Variants in SLC25A1 observed in about 807,000 individuals in gnomAD.
The protein encoded by SLC25A1 is solute carrier family 25 member 1.
In SLC25A1, 26 loss-of-function variants were observed where a neutral mutation model predicts 38.1. The observed-to-expected ratio is 0.68, with a 90% CI of 0.50 to 0.95. SLC25A1 has a LOEUF of 0.95. Ranked by LOEUF, SLC25A1 falls within the 40% of genes least tolerant of loss-of-function variation. The pLI, the probability that SLC25A1 is intolerant of heterozygous loss-of-function variation, is 0.00. For synonymous variants in SLC25A1, 211 were observed against 183.2 expected, an observed-to-expected ratio of 1.15 and a Z score of -1.23; for missense variants, 378 against 426.6, an observed-to-expected ratio of 0.89 and a Z score of 1.00.
rs1555922228 is a variant in SLC25A1, at chr22:19,176,238, G to A, written c.828C>T (p.Tyr276=). 2.5e-6 allele frequency: 4 copies of A among 1,610,932 alleles called. No individual in the cohort carries two copies. The Admixed American group carries it at 5.0e-5, about 20-fold the overall frequency. Residue 276 remains tyrosine (Y), a synonymous_variant, in exon 9 of 9, where the codon TAC becomes TAT. Coordinates refer to ENST00000215882, the MANE Select transcript of SLC25A1 (RefSeq NM_005984.5). ...ILKKEGLKAF[Y]KGTVPRLGRV... is the part of the protein sequence containing the mutation. ...GGCCCAGGCGGGGGACAGTGCCCTT[G>A]TAGAATCTGGGTGGGAGGAGGGGCG...
chr22:19,176,764 G>A (rs1220880676), intron 6 of SLC25A1, 71 bp from the exon 7 acceptor site: 1 of 1,591,738 alleles, frequency 6.3e-7, no homozygotes, highest in East Asian at 2.2e-5. Context: ...CAAAAGGTGG[G>A]TGCCCGCCAC....
chr22:19,177,497 A>C lies in SLC25A1; in HGVS notation c.441+230T>G, dbSNP rs554894426. Among the ~76,000 whole-genome samples the C allele has an allele frequency of 2.0e-4, 31 of 152,320 alleles. No individual in the cohort carries two copies. In the East Asian group the frequency reaches 5.8e-3, roughly 28 times the overall value. On this transcript the variant is annotated intron_variant, in intron 4 of 8. Transcript: ENST00000215882. ...GTGTCATTTTGTTTTCTGCTTTATA[A>C]AAGTATTTTTTAAAGACTTTAAGGC...
Position 19,177,140 on chromosome 22 carries a change from C to T in SLC25A1, c.506G>A (p.Arg169Lys). Reference sequence around the variant, plus strand: ...CTCACCTTGTTCCCGCACAATCTCCCTAACCCCGTGGAAGAATCCTCTGTA... The same window carrying T: ...CTCACCTTGTTCCCGCACAATCTCCTTAACCCCGTGGAAGAATCCTCTGTA... Reference protein sequence around the residue: ...PKYRGFFHGVREIVREQGLKG... With the variant: ...PKYRGFFHGVKEIVREQGLKG... Residue 169 changes from arginine to lysine, a missense_variant, in exon 5 of 9, where the codon AGG becomes AAG. Arg to Lys is a conservative substitution (Grantham distance 26). Coordinates refer to ENST00000215882, the MANE Select transcript of SLC25A1 (RefSeq NM_005984.5). The T allele has an allele frequency of 6.2e-7, 1 of 1,614,096 alleles. No individual in the cohort carries two copies. The highest frequency in any genetic ancestry group is 8.5e-7 in the Non-Finnish European group (1 of 1,179,962).
chr22:19,178,198 G>A lies in SLC25A1; in HGVS notation c.137C>T (p.Thr46Ile). ...CTGCAGCTGCGTCTTCACGTACTCG[G>A]TGGGGAAGGTGATGCAGATCTCGAT... ...GGIEICITFP[T>I]EYVKTQLQLD... is the part of the protein sequence containing the mutation. The change falls in exon 2 of 9, where the codon ACC becomes ATC. Residue 46 changes from threonine (T) to isoleucine (I), a missense_variant. By Grantham distance (89) the Thr-to-Ile change is moderately conservative. Transcript: ENST00000215882. The surrounding 1 kb of genome is among the most constrained non-coding windows in gnomAD (Gnocchi z 4.9). 6.4e-7 allele frequency: 1 copy of A among 1,553,328 alleles called. No homozygotes were observed. The highest frequency in any genetic ancestry group is 8.7e-7 in the Non-Finnish European group (1 of 1,149,350).
Position 19,176,566 on chromosome 22 carries a change from C to T in SLC25A1, c.747+12G>A, listed in dbSNP as rs376463484. ...TGGTCCCCCCTTCCCCTCCCCTTCC[C>T]GGCCCCACCACCTGCATCCGGGTCT... On this transcript the variant is annotated intron_variant, in intron 7 of 8. Transcript: ENST00000215882. 22 of 1,612,700 alleles carry T rather than the reference C, an allele frequency of 1.4e-5. No individual in the cohort carries two copies. Among genetic ancestry groups the T allele is most frequent in the East Asian group, 1.1e-4 (5 of 44,888 alleles).
In SLC25A1 at chr22:19,177,105, G is replaced by A. The variant is rs1195457590; in HGVS notation, c.526+15C>T. On this transcript the variant is annotated intron_variant, in intron 5 of 8. Coordinates refer to ENST00000215882, the MANE Select transcript of SLC25A1 (RefSeq NM_005984.5). ...CCAGGTCCCTGAGCCCTATCAGGAA[G>A]GTCGAGTGGCTCACCTTGTTCCCGC... 1 of 1,613,076 alleles carries A rather than the reference G, an allele frequency of 6.2e-7. No individual in the cohort carries two copies. Among genetic ancestry groups the A allele is most frequent in the Admixed American group, 1.7e-5 (1 of 60,018 alleles).
chr22:19,178,066 C>T lies in SLC25A1; in HGVS notation c.203-25G>A. On this transcript the variant is annotated intron_variant, in intron 2 of 8. Transcript: ENST00000215882. This position sits in a 1 kb window ranked among gnomAD's most constrained non-coding sequence, Gnocchi z 4.9. Reference sequence around the variant, plus strand: ...CCTGGGGGAGGGGGCGGTCAGGACCCCACGGCCCTCGGTGCCGCCGCCCTG... The same window carrying T: ...CCTGGGGGAGGGGGCGGTCAGGACCTCACGGCCCTCGGTGCCGCCGCCCTG... The T allele has an allele frequency of 6.4e-7, 1 of 1,557,810 alleles. No homozygotes were observed. The highest frequency in any genetic ancestry group is 8.7e-7 in the Non-Finnish European group (1 of 1,153,574).
rs1411633124 is a variant in SLC25A1, at chr22:19,176,017, G to C, written c.*113C>G. 1 of 810,706 alleles carries C rather than the reference G, an allele frequency of 1.2e-6. No individual in the cohort carries two copies. Among genetic ancestry groups the C allele is most frequent in the Non-Finnish European group, 2.1e-6 (1 of 474,526 alleles). The allele number at this position is 810,706 out of a possible 1,614,324, so 50.2% of individuals were successfully genotyped here. A position where few individuals can be genotyped will look rare whatever the true frequency, so the allele number is the denominator to read the frequency against. On this transcript the variant is annotated 3_prime_UTR_variant, in exon 9 of 9. Transcript: ENST00000215882. ...CACAATGCACAGACCAGGCTACAGA[G>C]CTCGAGGGACGTGGGAAGGGGCCTT...
Position 19,176,221 on chromosome 22 carries a change from C to T in SLC25A1, c.845G>A (p.Arg282His), listed in dbSNP as rs431905510. 2.6e-5 allele frequency: 42 copies of T among 1,605,714 alleles called. No individual in the cohort carries two copies. The highest frequency in any genetic ancestry group is 5.4e-5 in the African/African-American group (4 of 74,632). Residue 282 changes from arginine to histidine, a missense_variant, in exon 9 of 9, where the codon CGC becomes CAC. Physicochemically the swap from Arg to His is conservative, Grantham distance 29. Coordinates refer to ENST00000215882, the MANE Select transcript of SLC25A1 (RefSeq NM_005984.5). Reference sequence around the variant, plus strand: ...CACATCCAGGCAGACCCGGCCCAGGCGGGGGACAGTGCCCTTGTAGAATCT... The same window carrying T: ...CACATCCAGGCAGACCCGGCCCAGGTGGGGGACAGTGCCCTTGTAGAATCT... The part of the protein sequence containing the change: ...LKAFYKGTVP[R>H]LGRVCLDVAI...
Position 19,178,685 on chromosome 22 carries a change from G to A in SLC25A1, c.-12C>T, listed in dbSNP as rs2084014259. The A allele has an allele frequency of 9.2e-7, 1 of 1,092,644 alleles. No individual in the cohort carries two copies. The highest frequency in any genetic ancestry group is 1.1e-6 in the Non-Finnish European group (1 of 894,848). The allele number at this position is 1,092,644 out of a possible 1,614,324, so 67.7% of individuals were successfully genotyped here. A position where few individuals can be genotyped will look rare whatever the true frequency, so the allele number is the denominator to read the frequency against. ...CGGGGCGCGGGCATGGCGGGCGGGA[G>A]GCGGGGCGCCCTGTGGCGGCTTCGG... On this transcript the variant is annotated 5_prime_UTR_variant, in exon 1 of 9. Transcript: ENST00000215882. The surrounding 1 kb of genome is among the most constrained non-coding windows in gnomAD (Gnocchi z 4.9).
intron 8 of SLC25A1, 80 bp downstream of exon 8, chr22:19,176,341 G>A: frequency 1.3e-6 from 2 of 1,565,110 alleles, no homozygotes; most frequent in Non-Finnish European, 1.8e-6. Context: ...ACAGAGGCCT[G>A]AAGGGGACAG....
chr22:19,177,622 G>C (rs1445807104), intron 4 of SLC25A1, 105 bp downstream of exon 4: 33 of 1,505,600 alleles, frequency 2.2e-5, no homozygotes, highest in Non-Finnish European at 2.8e-5. Context: ...TGGCGTCCAG[G>C]AGACCCTCCC....
Position 19,178,505 on chromosome 22 carries a change from T to C in SLC25A1, c.94+75A>G. The C allele has an allele frequency of 1.5e-6, 2 of 1,315,330 alleles. No individual in the cohort carries two copies. The highest frequency in any genetic ancestry group is 1.9e-6 in the Non-Finnish European group (2 of 1,036,330). 81.5% of individuals were successfully genotyped at this position (1,315,330 alleles called of 1,614,324 possible). A position where few individuals can be genotyped will look rare whatever the true frequency, so the allele number is the denominator to read the frequency against. ...CCCAGCCCACGGCCCAACCCGGAAG[T>C]GGGGCGGGGCCTCAGCGTCCCGGGC... On this transcript the variant is annotated intron_variant, in intron 1 of 8. Coordinates refer to ENST00000215882, the MANE Select transcript of SLC25A1 (RefSeq NM_005984.5). This position sits in a 1 kb window ranked among gnomAD's most constrained non-coding sequence, Gnocchi z 4.9.
chr22:19,177,426 C>T (rs901099357), intron 4 of SLC25A1, among the ~76,000 whole-genome samples: 7 of 152,186 alleles, frequency 4.6e-5, no homozygotes, highest in African/African-American at 1.7e-4. Context: ...CTGTGAGCAG[C>T]CTCTCCCTTT....
chr22:19,176,420 C>G lies in SLC25A1; in HGVS notation c.821+1G>C. 2 of 1,613,426 alleles carry G rather than the reference C, an allele frequency of 1.2e-6. No individual in the cohort carries two copies. Among genetic ancestry groups the G allele is most frequent in the Non-Finnish European group, 1.7e-6 (2 of 1,179,836 alleles). ...AATAGCCCTGCCCCTCCCCCACTCA[C>G]GCCTTGAGCCCCTCCTTCTTCAGGA... On this transcript the variant is annotated splice_donor_variant, in intron 8 of 8. Coordinates refer to ENST00000215882, the MANE Select transcript of SLC25A1 (RefSeq NM_005984.5). LOFTEE classifies it high-confidence loss of function.
Position 19,178,251 on chromosome 22 carries a change from C to T in SLC25A1, c.95-11G>A. 1.9e-6 allele frequency: 3 copies of T among 1,544,652 alleles called. No individual in the cohort carries two copies. Among genetic ancestry groups the T allele is most frequent in the Non-Finnish European group, 2.6e-6 (3 of 1,144,640 alleles). ...CACCCGCCAGGCCGCCTGCAGGGAC[C>T]GGGAACCCGCTCCTGAGACTCCCGC... On this transcript the variant is annotated splice_polypyrimidine_tract_variant and intron_variant, in intron 1 of 8. Transcript: ENST00000215882. The surrounding 1 kb of genome is among the most constrained non-coding windows in gnomAD (Gnocchi z 4.9).
In SLC25A1 at chr22:19,177,752, A is replaced by G; in HGVS notation, c.416T>C (p.Val139Ala). The G allele has an allele frequency of 6.2e-7, 1 of 1,608,910 alleles. No homozygotes were observed. The change falls in exon 4 of 9, where the codon GTC (valine) becomes GCC (alanine). Residue 139 changes from valine (V) to alanine (A), a missense_variant. Physicochemically the swap from Val to Ala is moderately conservative, Grantham distance 64 (BLOSUM62 0). Coordinates refer to ENST00000215882, the MANE Select transcript of SLC25A1 (RefSeq NM_005984.5). ...LGAGVAEAVV[V>A]VCPMETIKVK... is the part of the protein sequence containing the mutation. ...CTTGATGGTCTCCATGGGGCACACG[A>G]CCACCACGGCCTCGGCCACGCCAGC...
chr22:19,176,421 G>A lies in SLC25A1; in HGVS notation c.821C>T (p.Ala274Val), dbSNP rs483352910. The A allele has an allele frequency of 7.4e-6, 12 of 1,613,230 alleles. No homozygotes were observed. Among genetic ancestry groups the A allele is most frequent in the Non-Finnish European group, 1.0e-5 (12 of 1,179,798 alleles). The change falls in exon 8 of 9, where the codon GCA (alanine) becomes GTA (valine). Residue 274 changes from alanine (A) to valine (V), a missense_variant and splice_region_variant. By Grantham distance (64) the Ala-to-Val change is moderately conservative. Transcript: ENST00000215882. ...ATAGCCCTGCCCCTCCCCCACTCACGCCTTGAGCCCCTCCTTCTTCAGGAT... is the reference window on the plus strand; with the variant it reads ...ATAGCCCTGCCCCTCCCCCACTCACACCTTGAGCCCCTCCTTCTTCAGGAT... ...LQILKKEGLK[A>V]FYKGTVPRLG... is the part of the protein sequence containing the mutation.
Position 19,178,511 on chromosome 22 carries a change from G to A in SLC25A1, c.94+69C>T. 2 of 1,314,596 alleles carry A rather than the reference G, an allele frequency of 1.5e-6. No homozygotes were observed. The highest frequency in any genetic ancestry group is 1.9e-6 in the Non-Finnish European group (2 of 1,036,086). The allele number at this position is 1,314,596 out of a possible 1,614,324, so 81.4% of individuals were successfully genotyped here. ...CCACGGCCCAACCCGGAAGTGGGGC[G>A]GGGCCTCAGCGTCCCGGGCCCACCC... On this transcript the variant is annotated intron_variant, in intron 1 of 8. Coordinates refer to ENST00000215882, the MANE Select transcript of SLC25A1 (RefSeq NM_005984.5). This position sits in a 1 kb window ranked among gnomAD's most constrained non-coding sequence, Gnocchi z 4.9.
Sources: gnomAD v4.1 joint callset for allele counts (sites outside exome capture counted in the v4.1 genomes callset) on GRCh38, gnomAD v4.1.1 for gene constraint, Gnocchi (gnomAD v3.1) non-coding constraint, MANE v1.5 for transcripts, NCBI Gene and HGNC (gene_info 2026-07-23, HGNC 2026-07-21) for gene names.